GRHL2: variants seen among roughly 807,000 people sequenced by gnomAD.
GRHL2 encodes the protein grainyhead-like protein 2 homolog.
Under a neutral mutation model 83.8 loss-of-function variants are expected in GRHL2, and 21 were observed. The observed-to-expected ratio is 0.25, with a 90% CI of 0.18 to 0.36. The LOEUF is 0.36. GRHL2 is among the 10% of genes least tolerant of loss of function. The pLI is 1.00. For missense variants in GRHL2, 623 were observed against 781.8 expected (o/e 0.80, Z 2.42); for synonymous variants, 280 against 278.9 (o/e 1.00, Z -0.04).
At chr8:101,587,357 A>G (rs995188542) in intron 7 of GRHL2, among the ~76,000 whole-genome samples, 7 of 152,246 alleles carry the variant, frequency 4.6e-5, no homozygotes, top group African/African-American at 1.7e-4. Context: ...ATGACAGGGT[A>G]AAGCTGTCCT....
chr8:101,616,139 T>C (rs928129969), intron 8 of GRHL2, among the ~76,000 whole-genome samples: 1 of 151,136 alleles, frequency 6.6e-6, no homozygotes, highest in African/African-American at 2.4e-5. Context: ...TTTTCTTTCT[T>C]TCTTTCTCTC....
intron 3 of GRHL2, among the ~76,000 whole-genome samples, chr8:101,557,345 C>G (rs1257074726): frequency 1.3e-5 from 2 of 151,688 alleles, no homozygotes; most frequent in Non-Finnish European, 2.9e-5. Flanking sequence ...CCACCTCAGC[C>G]TCCCGAGTAG....
intron 8 of GRHL2, among the ~76,000 whole-genome samples, chr8:101,609,145 T>G (rs1812696211): frequency 6.7e-6 from 1 of 148,454 alleles, no homozygotes; most frequent in Non-Finnish European, 1.5e-5. Flanking sequence ...ATTTAGAAAA[T>G]GTAGAGGGAG....
At chr8:101,497,990 A>G (rs1165598404) in intron 1 of GRHL2, among the ~76,000 whole-genome samples, 1 of 152,240 alleles carries the variant, frequency 6.6e-6, no homozygotes, top group Non-Finnish European at 1.5e-5. Flanking sequence ...CAGAGCTGCA[A>G]AAGAACTGAT....
rs758015181 is a variant in GRHL2 at position 101,632,360 on chromosome 8, G to A, written c.1480G>A (p.Gly494Arg). Residue 494 changes from glycine (G) to arginine (R), a missense_variant, in exon 11 of 16, where the codon GGA becomes AGA. By Grantham distance (125) the Gly-to-Arg change is moderately radical (BLOSUM62 -2). Around this residue, in one of 8 missense-constraint regions of GRHL2, gnomAD observed 210 missense variants for 254.8 expected, o/e 0.82. Transcript: ENST00000646743. ...DVHFANLQRTGQVYYNTDDER... is the reference protein window; with the variant it reads ...DVHFANLQRTRQVYYNTDDER... The stretch of plus-strand genomic sequence containing the variant: ...TCACTTTGCAAACCTGCAGAGGACC[G>A]GACAGGTATGACCTACCAGCTAACG... The A allele has an allele frequency of 2.5e-6, 4 of 1,613,718 alleles. No homozygotes were observed. Among genetic ancestry groups the A allele is most frequent in the African/African-American group, 1.3e-5 (1 of 74,894 alleles).
intron 1 of GRHL2, chr8:101,528,723 C>T (rs1810859172): frequency 3.9e-6 from 1 of 254,350 alleles, no homozygotes; most frequent in Non-Finnish European, 8.0e-6. Flanking sequence ...CCTCTGTGTT[C>T]CTTCTGGTTC....
intron 1 of GRHL2, among the ~76,000 whole-genome samples, chr8:101,507,799 C>G (rs1361654114): frequency 1.1e-5 from 1 of 88,782 alleles, no homozygotes; most frequent in African/African-American, 4.5e-5. Context: ...TTTTTTTAGA[C>G]AAGAGTCTTA....
intron 4 of GRHL2, among the ~76,000 whole-genome samples, chr8:101,565,664 G>A (rs1473611448): frequency 6.6e-6 from 1 of 152,144 alleles, no homozygotes; most frequent in African/African-American, 2.4e-5. Flanking sequence ...AGTTGACCTG[G>A]AAGTGGCGCA....
In GRHL2 at chr8:101,606,188, T is replaced by C. The variant is rs1022356705; in HGVS notation, c.1098+7037T>C. Among the ~76,000 whole-genome samples the C allele has an allele frequency of 3.9e-5, 6 of 152,198 alleles. No individual in the cohort carries two copies. The East Asian group carries it at 1.2e-3, about 29-fold the overall frequency. On this transcript the variant is annotated intron_variant, in intron 8 of 15. Transcript: ENST00000646743. ...ATCCTCACATTTACCAGGGTGGTAA[T>C]TGGAAGTGACTACTTACACATAAGC...
intron 1 of GRHL2, among the ~76,000 whole-genome samples, chr8:101,505,561 G>A (rs1353976496): frequency 5.2e-5 from 7 of 134,654 alleles, no homozygotes; most frequent in Non-Finnish European, 7.8e-5. Context: ...TGGGCAACAA[G>A]GGTGAAACTC....
intron 1 of GRHL2, among the ~76,000 whole-genome samples, chr8:101,499,330 T>C (rs752861356): frequency 6.6e-6 from 1 of 152,214 alleles, no homozygotes; most frequent in Admixed American, 6.5e-5. Context: ...TATGGTTACA[T>C]AGTATTTTTC....
intron 1 of GRHL2, among the ~76,000 whole-genome samples, chr8:101,536,467 CA>C (rs1811047213): frequency 1.3e-5 from 2 of 152,088 alleles, no homozygotes; most frequent in Admixed American, 6.5e-5. Flanking sequence ...TTAATTCTGA[CA>C]AAAATAGTAG....
chr8:101,619,231 C>T lies in GRHL2; in HGVS notation c.1099-308C>T, dbSNP rs148302172. ...TCACGCCACTGCACTCCAGCCTGGG[C>T]GACAGAGTGAGGCTCTGTCTCAAAA... On this transcript the variant is annotated intron_variant, in intron 8 of 15. Coordinates refer to ENST00000646743, the MANE Select transcript of GRHL2 (RefSeq NM_024915.4). 5.9e-3 allele frequency among the ~76,000 whole-genome samples: 894 copies of T among 151,744 alleles called. 31 individuals are homozygous for T. Among genetic ancestry groups the T allele is most frequent in the Admixed American group, 0.054 (824 of 15,240 alleles).
In GRHL2 at chr8:101,668,582, T is replaced by C. The variant is rs1215058638; in HGVS notation, c.*1879T>C. The C allele has an allele frequency of 5.9e-5, 9 of 152,962 alleles. No homozygotes were observed. In the East Asian group the frequency reaches 1.5e-3, roughly 26 times the overall value. 9.5% of individuals were successfully genotyped at this position (152,962 alleles called of 1,614,324 possible). A position where few individuals can be genotyped will look rare whatever the true frequency, so the allele number is the denominator to read the frequency against. ...AAGGTTTGCATCGTGGATCCAGCTG[T>C]GCTCCAGTCTGTCCCCTCCTCCTCC... On this transcript the variant is annotated 3_prime_UTR_variant, in exon 16 of 16. Coordinates refer to ENST00000646743, the MANE Select transcript of GRHL2 (RefSeq NM_024915.4).
intron 15 of GRHL2, among the ~76,000 whole-genome samples, chr8:101,666,113 T>G (rs1243252535): frequency 6.6e-6 from 1 of 152,216 alleles, no homozygotes; most frequent in Non-Finnish European, 1.5e-5. Flanking sequence ...CTGTGAGAAC[T>G]AAACACAAGG....
intron 1 of GRHL2, among the ~76,000 whole-genome samples, chr8:101,501,964 C>A (rs1474788011): frequency 6.6e-6 from 1 of 151,814 alleles, no homozygotes; most frequent in African/African-American, 2.4e-5. Flanking sequence ...CTGTGAAATA[C>A]CTGGTTAAGA....
intron 1 of GRHL2, chr8:101,542,944 C>A: frequency 2.3e-6 from 1 of 435,316 alleles, no homozygotes; most frequent in Non-Finnish European, 4.4e-6. Flanking sequence ...GGAGCCCTAC[C>A]TTCCAATACC....
chr8:101,509,145 C>CTTTT (rs1810403975), intron 1 of GRHL2, among the ~76,000 whole-genome samples: 1 of 34,892 alleles, frequency 2.9e-5, no homozygotes, highest in African/African-American at 6.9e-5. Context: ...TTCCTTCCTT[C>CTTTT]CTTCCTTCCT....
chr8:101,503,464 G>T (rs1235353520), intron 1 of GRHL2, among the ~76,000 whole-genome samples: 1 of 152,090 alleles, frequency 6.6e-6, no homozygotes, highest in Non-Finnish European at 1.5e-5. Context: ...CTGTCAAAGT[G>T]GCTAAAATTA....
Sources: allele counts gnomAD v4.1 joint callset (sites outside exome capture counted in the v4.1 genomes callset), GRCh38; gene constraint gnomAD v4.1.1; regional missense constraint gnomAD v4.1.1; transcripts MANE v1.5; gene names NCBI Gene and HGNC (gene_info 2026-07-23, HGNC 2026-07-21).